Variants in UBE2QL1 observed in about 807,000 individuals in gnomAD.
UBE2QL1 encodes ubiquitin conjugating enzyme E2 QL1, also known as ubiquitin-conjugating enzyme E2Q-like protein 1.
A neutral mutation model predicts 12.6 loss-of-function variants in UBE2QL1; 5 were observed. The ratio of observed to expected loss-of-function variants is 0.40; its 90% confidence interval spans 0.21 to 0.83. The LOEUF is 0.83. UBE2QL1 is among the 40% of genes least tolerant of loss of function. The pLI is 0.37. For synonymous variants in UBE2QL1, 96 were observed against 94.5 expected, an observed-to-expected ratio of 1.02 and a Z score of -0.10; for missense variants, 99 against 222.6, an observed-to-expected ratio of 0.44 and a Z score of 3.53.
intron 1 of UBE2QL1, among the ~76,000 whole-genome samples, chr5:6,459,405 G>A (rs1349544685): frequency 6.6e-6 from 1 of 152,092 alleles, no homozygotes; most frequent in Non-Finnish European, 1.5e-5. Flanking sequence ...GAGGGCTCTT[G>A]GTTATTCTTG....
chr5:6,449,482 G>GTC (rs1464695406), intron 1 of UBE2QL1, among the ~76,000 whole-genome samples: 2 of 152,020 alleles, frequency 1.3e-5, no homozygotes, highest in African/African-American at 4.8e-5. Context: ...TCTGGTCTCA[G>GTC]TCTCTGCCCG....
intron 1 of UBE2QL1, among the ~76,000 whole-genome samples, chr5:6,462,003 C>T (rs1739677720): frequency 6.6e-6 from 1 of 152,128 alleles, no homozygotes; most frequent in Non-Finnish European, 1.5e-5. Context: ...AGCTGTTGGT[C>T]AGCACTTGAC....
At chr5:6,475,074 G>A (rs939992501) in intron 1 of UBE2QL1, among the ~76,000 whole-genome samples, 4 of 152,156 alleles carry the variant, frequency 2.6e-5, no homozygotes, top group African/African-American at 4.8e-5. Flanking sequence ...TTCAAGTGAC[G>A]CTTGTAAAAA....
intron 1 of UBE2QL1, among the ~76,000 whole-genome samples, chr5:6,462,510 G>A (rs1195932164): frequency 6.6e-6 from 1 of 152,198 alleles, no homozygotes; most frequent in African/African-American, 2.4e-5. Flanking sequence ...AGCTGCCAGG[G>A]CCCAGCTCCT....
At chr5:6,475,565 G>A (rs572459983) in intron 1 of UBE2QL1, among the ~76,000 whole-genome samples, 4 of 152,174 alleles carry the variant, frequency 2.6e-5, no homozygotes, top group East Asian at 1.9e-4. Flanking sequence ...AAATGGCTTC[G>A]GTCCATTCCT....
At chr5:6,471,677 G>A (rs148552813) in intron 1 of UBE2QL1, among the ~76,000 whole-genome samples, 4 of 152,272 alleles carry the variant, frequency 2.6e-5, no homozygotes, top group East Asian at 1.9e-4. Context: ...CAGGTCCCTC[G>A]CACTCAGGGG....
At chr5:6,480,878 T>C (rs1474526527) in intron 1 of UBE2QL1, among the ~76,000 whole-genome samples, 1 of 152,124 alleles carries the variant, frequency 6.6e-6, no homozygotes, top group Non-Finnish European at 1.5e-5. Flanking sequence ...AGTGCCGGCA[T>C]TTCCTAATAC....
chr5:6,472,843 T>A (rs1201467094), intron 1 of UBE2QL1, among the ~76,000 whole-genome samples: 3 of 152,340 alleles, frequency 2.0e-5, no homozygotes, highest in African/African-American at 7.2e-5. Context: ...CACCGTCCCA[T>A]CACGAGGCAT....
chr5:6,474,204 G>A (rs1156750604), intron 1 of UBE2QL1, among the ~76,000 whole-genome samples: 1 of 152,242 alleles, frequency 6.6e-6, no homozygotes, highest in Non-Finnish European at 1.5e-5. Flanking sequence ...GTAGTGTACA[G>A]CCTGAGGGCT....
Position 6,462,084 on chromosome 5 carries a change from A to G in UBE2QL1, c.354+12837A>G, listed in dbSNP as rs140438272. Among the ~76,000 whole-genome samples, 588 of 152,284 alleles carry G rather than the reference A, an allele frequency of 3.9e-3. 5 individuals are homozygous for G. Among genetic ancestry groups the G allele is most frequent in the African/African-American group, 0.014 (572 of 41,566 alleles). ...AGGGTGATGGTCGTTTAACCTCTAC[A>G]GGCCTTTCAGACCACCCCATGCTGT... On this transcript the variant is annotated intron_variant, in intron 1 of 1. Transcript: ENST00000399816.
chr5:6,483,946 G>A (rs928928611), intron 1 of UBE2QL1, among the ~76,000 whole-genome samples: 2 of 152,222 alleles, frequency 1.3e-5, no homozygotes, highest in South Asian at 2.1e-4. Flanking sequence ...TGGCTTGGGC[G>A]TGAGTCAACA....
chr5:6,460,312 A>G (rs373996007), intron 1 of UBE2QL1, among the ~76,000 whole-genome samples: 2 of 152,250 alleles, frequency 1.3e-5, no homozygotes, highest in African/African-American at 2.4e-5. Context: ...AAGGTGATCA[A>G]TAGATGTTCC....
At chr5:6,472,825 C>T (rs1355237873) in intron 1 of UBE2QL1, among the ~76,000 whole-genome samples, 2 of 152,138 alleles carry the variant, frequency 1.3e-5, no homozygotes, top group Admixed American at 6.5e-5. Context: ...TTGGGAAGAC[C>T]ATTTCCTCAC....
At chr5:6,480,106 G>T (rs183440104) in intron 1 of UBE2QL1, among the ~76,000 whole-genome samples, 1 of 152,318 alleles carries the variant, frequency 6.6e-6, no homozygotes, top group East Asian at 1.9e-4. Flanking sequence ...TGAGTGAATG[G>T]TCAGTATCTT....
At chr5:6,490,652 C>A (rs1734550877) in intron 1 of UBE2QL1, among the ~76,000 whole-genome samples, 1 of 152,222 alleles carries the variant, frequency 6.6e-6, no homozygotes, top group South Asian at 2.1e-4. Flanking sequence ...CCAATAAATT[C>A]ACTAATGGCT....
chr5:6,470,791 C>T (rs1036591565), intron 1 of UBE2QL1, among the ~76,000 whole-genome samples: 34 of 152,198 alleles, frequency 2.2e-4, no homozygotes, highest in African/African-American at 8.2e-4. Flanking sequence ...CATGTTTGCT[C>T]CTTGTACCCT....
At chr5:6,461,535 C>CT (rs1739659894) in intron 1 of UBE2QL1, among the ~76,000 whole-genome samples, 1 of 64,344 alleles carries the variant, frequency 1.6e-5, no homozygotes, top group Non-Finnish European at 3.3e-5. Flanking sequence ...TGTTTTTCAG[C>CT]ACCCACCACC....
At chr5:6,489,560 A>G (rs138361686) in intron 1 of UBE2QL1, among the ~76,000 whole-genome samples, 106 of 152,370 alleles carry the variant, frequency 7.0e-4, no homozygotes, top group Middle Eastern at 3.4e-3. Flanking sequence ...TGACTCCTCA[A>G]CTATGGATTG....
At chr5:6,472,354 G>A (rs912332644) in intron 1 of UBE2QL1, among the ~76,000 whole-genome samples, 7 of 152,046 alleles carry the variant, frequency 4.6e-5, no homozygotes, top group Non-Finnish European at 7.4e-5. Context: ...CACGAGCCTC[G>A]GTATGTGGAT....
Sources: gnomAD v4.1 joint callset for allele counts (sites outside exome capture counted in the v4.1 genomes callset) on GRCh38, gnomAD v4.1.1 for gene constraint, MANE v1.5 for transcripts, NCBI Gene and HGNC (gene_info 2026-07-23, HGNC 2026-07-21) for gene names.